DSCAML1: variants seen among roughly 807,000 people sequenced by gnomAD.
DSCAML1 encodes the protein cell adhesion molecule DSCAML1.
A neutral mutation model predicts 200.5 loss-of-function variants in DSCAML1; 38 were observed. The observed-to-expected ratio is 0.19, with a 90% CI of 0.15 to 0.25. The LOEUF (loss-of-function observed/expected upper bound fraction) is 0.25. DSCAML1 is among the 10% of genes least tolerant of loss of function. The pLI is 1.00. For synonymous variants in DSCAML1, 1,215 were observed against 1,165.0 expected (o/e 1.04, Z -0.87); for missense variants, 2,223 against 2,858.8 (o/e 0.78, Z 5.07).
rs755988012 is a variant in DSCAML1, at chr11:117,428,479, G to A, written c.6011C>T (p.Pro2004Leu). The change falls in exon 33 of 33, where the codon CCG (proline) becomes CTG (leucine). Residue 2004 changes from proline (P) to leucine (L), a missense_variant. Coordinates refer to ENST00000651296, the MANE Select transcript of DSCAML1 (RefSeq NM_020693.4). ...TCGTGGAGGCTCGGTGCTGGGGGCC[G>A]GAGGGGCAGCGCTGGGGGCGGTGGG... ...EPPTAPSAAPPAPSTEPPRAG... is the reference protein window; with the variant it reads ...EPPTAPSAAPLAPSTEPPRAG... The A allele has an allele frequency of 2.2e-5, 34 of 1,533,546 alleles. No individual in the cohort carries two copies. The highest frequency in any genetic ancestry group is 1.1e-4 in the East Asian group (5 of 43,936). 95.0% of individuals were successfully genotyped at this position (1,533,546 alleles called of 1,614,324 possible). A position where few individuals can be genotyped will look rare whatever the true frequency, so the allele number is the denominator to read the frequency against.
chr11:117,754,169 C>G (rs914426709), intron 3 of DSCAML1, among the ~76,000 whole-genome samples: 1 of 152,168 alleles, frequency 6.6e-6, no homozygotes, highest in Non-Finnish European at 1.5e-5. Context: ...TTCAAAGACA[C>G]CCTGCCCCTG....
intron 3 of DSCAML1, among the ~76,000 whole-genome samples, chr11:117,615,883 G>A (rs997448071): frequency 1.3e-5 from 2 of 152,152 alleles, no homozygotes; most frequent in Non-Finnish European, 2.9e-5. Flanking sequence ...AGGGATGGGA[G>A]TAGCACAGGG....
At chr11:117,500,502 C>G (rs574525039) in intron 11 of DSCAML1, among the ~76,000 whole-genome samples, 1 of 151,958 alleles carries the variant, frequency 6.6e-6, no homozygotes, top group African/African-American at 2.4e-5. Flanking sequence ...TTAGACCTTA[C>G]CAACGCACAA....
chr11:117,811,511 C>T lies in DSCAML1; in HGVS notation c.-250+5879G>A, dbSNP rs191537305. 2.7e-4 allele frequency among the ~76,000 whole-genome samples: 41 copies of T among 152,340 alleles called. 1 individual carries two copies. Among genetic ancestry groups the T allele is most frequent in the South Asian group, 1.0e-3 (5 of 4,830 alleles). ...GAACTTCCAAACGCCTGAACTGCAG[C>T]GGCCAGGCGTTCCTCCAGAACCTCC... On this transcript the variant is annotated intron_variant, in intron 1 of 2. Coordinates refer to the DSCAML1 transcript ENST00000525836.
At chr11:117,588,935 C>G (rs1008396400) in intron 3 of DSCAML1, among the ~76,000 whole-genome samples, 4 of 152,186 alleles carry the variant, frequency 2.6e-5, no homozygotes, top group African/African-American at 9.7e-5. Flanking sequence ...GACCAGGGGA[C>G]CCTGCTGCCA....
At chr11:117,536,505 C>G (rs1044634434) in intron 3 of DSCAML1, among the ~76,000 whole-genome samples, 1 of 152,190 alleles carries the variant, frequency 6.6e-6, no homozygotes, top group Non-Finnish European at 1.5e-5. Context: ...AATCCTGAAG[C>G]CACTTGGACA....
intron 1 of DSCAML1, among the ~76,000 whole-genome samples, chr11:117,781,811 G>A (rs770613188): frequency 4.6e-5 from 7 of 152,246 alleles, no homozygotes; most frequent in Admixed American, 1.3e-4. Flanking sequence ...ATGGGAGAAT[G>A]TTCTTATGAT....
upstream of DSCAML1, among the ~76,000 whole-genome samples, chr11:117,800,384 A>G (rs948086913): frequency 1.3e-5 from 2 of 152,244 alleles, no homozygotes; most frequent in African/African-American, 2.4e-5. Context: ...TCCCAAAATT[A>G]TATGGAAAAC....
intron 3 of DSCAML1, among the ~76,000 whole-genome samples, chr11:117,629,508 G>T (rs2052126913): frequency 6.8e-6 from 1 of 147,016 alleles, no homozygotes; most frequent in Admixed American, 6.7e-5. Flanking sequence ...CAGACAAGGG[G>T]GCCTGGACAG....
intron 3 of DSCAML1, among the ~76,000 whole-genome samples, chr11:117,753,262 C>A (rs563778538): frequency 6.6e-6 from 1 of 152,070 alleles, no homozygotes; most frequent in Non-Finnish European, 1.5e-5. Flanking sequence ...ATGATGGTGA[C>A]GAAGGAGAGG....
chr11:117,703,647 C>A (rs750909023), intron 3 of DSCAML1, among the ~76,000 whole-genome samples: 8 of 152,224 alleles, frequency 5.3e-5, no homozygotes, highest in Non-Finnish European at 8.8e-5. Flanking sequence ...GTATCCCCTT[C>A]ACTTAGTCCT....
rs562844150 is a variant in DSCAML1 at position 117,563,870 on chromosome 11, C to T, written c.512-31348G>A. 1.9e-3 allele frequency among the ~76,000 whole-genome samples: 292 copies of T among 152,252 alleles called. 2 individuals carry two copies. The highest frequency in any genetic ancestry group is 6.9e-3 in the African/African-American group (286 of 41,544). ...GTGCACCCTGGCAATGGAAGGAAGA[C>T]ATGAGGAGAAATGATGGATGAAATG... is the stretch of plus-strand genomic sequence containing the variant. On this transcript the variant is annotated intron_variant, in intron 3 of 32. Coordinates refer to ENST00000651296, the MANE Select transcript of DSCAML1 (RefSeq NM_020693.4).
At chr11:117,675,007 C>T (rs1045327391) in intron 3 of DSCAML1, among the ~76,000 whole-genome samples, 4 of 152,112 alleles carry the variant, frequency 2.6e-5, no homozygotes, top group East Asian at 1.9e-4. Flanking sequence ...TGCCAGAACC[C>T]GCTGCCTGGG....
chr11:117,521,204 T>C lies in DSCAML1; in HGVS notation c.1139A>G (p.His380Arg). The C allele has an allele frequency of 6.2e-7, 1 of 1,614,150 alleles. No homozygotes were observed. Among genetic ancestry groups the C allele is most frequent in the Non-Finnish European group, 8.5e-7 (1 of 1,180,036 alleles). Residue 380 changes from histidine to arginine, a missense_variant, in exon 6 of 33, where the codon CAT becomes CGT. By Grantham distance (29) the His-to-Arg change is conservative (BLOSUM62 0). This residue lies in a region of DSCAML1 where 579 missense variants were observed against 721.5 expected (regional missense o/e 0.80). Coordinates refer to ENST00000651296, the MANE Select transcript of DSCAML1 (RefSeq NM_020693.4). ...TLLITSAQKS[H>R]SGAYQCFATR... Reference sequence around the variant, plus strand: ...AGCGAAGCACTGGTAGGCCCCGGAATGGCTCTTCTGGGCCGAGGTGATGAG... The same window carrying C: ...AGCGAAGCACTGGTAGGCCCCGGAACGGCTCTTCTGGGCCGAGGTGATGAG...
intron 3 of DSCAML1, among the ~76,000 whole-genome samples, chr11:117,739,203 G>A (rs551466336): frequency 6.6e-6 from 1 of 152,324 alleles, no homozygotes; most frequent in South Asian, 2.1e-4. Context: ...GGCAGGGAAG[G>A]GACTTGACTC....
rs181785660 is a variant in DSCAML1, at chr11:117,652,941, T to C, written c.512-120419A>G. Among the ~76,000 whole-genome samples the C allele has an allele frequency of 1.0e-3, 155 of 152,296 alleles. 1 individual carries two copies. The highest frequency in any genetic ancestry group is 3.6e-3 in the African/African-American group (151 of 41,568). On this transcript the variant is annotated intron_variant, in intron 3 of 32. Coordinates refer to ENST00000651296, the MANE Select transcript of DSCAML1 (RefSeq NM_020693.4). ...GGTTTTGCCTTCTTCTCTCCAATGT[T>C]AGCTTTGCCTTCTCTCTCCAATGCT... is the stretch of plus-strand genomic sequence containing the variant.
chr11:117,599,068 C>T (rs1282494142), intron 3 of DSCAML1, among the ~76,000 whole-genome samples: 1 of 152,134 alleles, frequency 6.6e-6, no homozygotes, highest in African/African-American at 2.4e-5. Flanking sequence ...TTAGAGAATT[C>T]CTGACCAATT....
intron 11 of DSCAML1, 43 bp from the exon 12 acceptor site, chr11:117,482,205 C>A: frequency 3.1e-6 from 5 of 1,609,212 alleles, no homozygotes; most frequent in Non-Finnish European, 4.2e-6. Context: ...GGTCGGGAGA[C>A]CAGCCTGGAG....
At chr11:117,613,241 C>T (rs1022976611) in intron 3 of DSCAML1, among the ~76,000 whole-genome samples, 2 of 152,002 alleles carry the variant, frequency 1.3e-5, no homozygotes, top group African/African-American at 2.4e-5. Context: ...TGCAGGACTG[C>T]TGATGTTGCT....
Sources: allele counts gnomAD v4.1 joint callset (sites outside exome capture counted in the v4.1 genomes callset), GRCh38; gene constraint gnomAD v4.1.1; regional missense constraint gnomAD v4.1.1; transcripts MANE v1.5; gene names NCBI Gene and HGNC (gene_info 2026-07-23, HGNC 2026-07-21).